The following RPS6KC1 variants were observed in gnomAD, a reference collection of about 807,000 sequenced individuals.
RPS6KC1 encodes the protein inactive ribosomal protein S6 kinase delta-1.
In RPS6KC1, 54 loss-of-function variants were observed where a neutral mutation model predicts 103.8. The observed-to-expected ratio is 0.52, with a 90% confidence interval of 0.42 to 0.65. The LOEUF is 0.65. RPS6KC1 is among the 30% of genes least tolerant of loss of function. RPS6KC1 has a pLI of 0.00. For synonymous variants in RPS6KC1, 439 were observed against 438.7 expected (o/e 1.00, Z -0.01); for missense variants, 1,151 against 1,253.8 (o/e 0.92, Z 1.24).
the RPS6KC1 span, among the ~76,000 whole-genome samples, chr1:213,457,709 A>G: frequency 6.6e-6 from 1 of 152,234 alleles, no homozygotes; most frequent in African/African-American, 2.4e-5. Context: ...CTTAATTGGC[A>G]ACAGAATGGT....
Position 213,178,050 on chromosome 1 carries a change from A to G in RPS6KC1, c.1044+1558A>G, listed in dbSNP as rs115934676. 3.1e-3 allele frequency among the ~76,000 whole-genome samples: 476 copies of G among 151,626 alleles called. 4 individuals are homozygous for G. Among genetic ancestry groups the G allele is most frequent in the African/African-American group, 0.011 (453 of 41,336 alleles). On this transcript the variant is annotated intron_variant, in intron 8 of 14. Coordinates refer to ENST00000366960, the MANE Select transcript of RPS6KC1 (RefSeq NM_012424.6). Reference sequence around the variant, plus strand: ...AGACCCTGCGTCTACAAAAAAAGAAAAAGCTGGGCATGTAGTCCCAGCTGC... The same window carrying G: ...AGACCCTGCGTCTACAAAAAAAGAAGAAGCTGGGCATGTAGTCCCAGCTGC...
the RPS6KC1 span, among the ~76,000 whole-genome samples, chr1:213,854,047 A>G: frequency 6.6e-6 from 1 of 152,254 alleles, no homozygotes; most frequent in African/African-American, 2.4e-5. Flanking sequence ...ACAAAGTGAA[A>G]TTGAAAAAGA....
chr1:213,819,288 C>G, the RPS6KC1 span: 1 of 152,222 alleles, frequency 6.6e-6, no homozygotes, highest in South Asian at 2.1e-4. Flanking sequence ...CTTCCCAAAG[C>G]CCAATTCTTT....
chr1:213,398,392 G>A, the RPS6KC1 span, among the ~76,000 whole-genome samples: 1 of 151,818 alleles, frequency 6.6e-6, no homozygotes, highest in South Asian at 2.1e-4. Context: ...CAGGTCAGTG[G>A]GTGACTGAAC....
the RPS6KC1 span, among the ~76,000 whole-genome samples, chr1:213,544,668 G>A: frequency 2.0e-5 from 3 of 152,114 alleles, no homozygotes; most frequent in Non-Finnish European, 2.9e-5. Context: ...TTGAGTTTAG[G>A]CTTTGCTTGC....
At chr1:213,304,022 G>A in the RPS6KC1 span, among the ~76,000 whole-genome samples, 2 of 151,004 alleles carry the variant, frequency 1.3e-5, no homozygotes, top group Non-Finnish European at 3.0e-5. Context: ...CGGCTAAAAC[G>A]GTGAAACCCC....
the RPS6KC1 span, among the ~76,000 whole-genome samples, chr1:213,464,415 C>A: frequency 7.2e-5 from 11 of 152,220 alleles, no homozygotes; most frequent in African/African-American, 2.6e-4. Flanking sequence ...ACATAGAATT[C>A]TCTTACAATT....
chr1:213,083,759 C>A (rs891647750), intron 3 of RPS6KC1, among the ~76,000 whole-genome samples: 1 of 152,098 alleles, frequency 6.6e-6, no homozygotes, highest in Non-Finnish European at 1.5e-5. Flanking sequence ...GTCCCTGTCT[C>A]CTGGTGTTTA....
At chr1:213,194,239 T>C (rs1243932955) in intron 8 of RPS6KC1, among the ~76,000 whole-genome samples, 1 of 152,184 alleles carries the variant, frequency 6.6e-6, no homozygotes. Context: ...CAAAGCAGCA[T>C]TGGGTTTTTT....
At chr1:213,608,622 C>T in the RPS6KC1 span, among the ~76,000 whole-genome samples, 1 of 151,698 alleles carries the variant, frequency 6.6e-6, no homozygotes. Flanking sequence ...AAAGTAATTC[C>T]TGATCACTGT....
rs181125791 is a variant in RPS6KC1, at chr1:213,168,962, T to C, written c.951+989T>C. On this transcript the variant is annotated intron_variant, in intron 7 of 14. Coordinates refer to ENST00000366960, the MANE Select transcript of RPS6KC1 (RefSeq NM_012424.6). ...CTCTGCCACTTGAAGTCATAGAAGA[T>C]TGGACAAGATACTTAATCCCACTTC... Among the ~76,000 whole-genome samples, 6 of 152,260 alleles carry C rather than the reference T, an allele frequency of 3.9e-5. No individual in the cohort carries two copies. In the East Asian group the frequency reaches 9.6e-4, roughly 24 times the overall value.
At chr1:213,813,402 C>T in the RPS6KC1 span, among the ~76,000 whole-genome samples, 2 of 151,142 alleles carry the variant, frequency 1.3e-5, no homozygotes, top group African/African-American at 4.9e-5. Flanking sequence ...GTTGAACAAC[C>T]CCGGGCTTCA....
the RPS6KC1 span, among the ~76,000 whole-genome samples, chr1:213,787,848 C>A: frequency 6.6e-6 from 1 of 152,116 alleles, no homozygotes; most frequent in Non-Finnish European, 1.5e-5. Context: ...CTATGGAACA[C>A]TGAGCAGGAA....
chr1:213,631,378 C>CAAAAAA, the RPS6KC1 span, among the ~76,000 whole-genome samples: 18 of 137,070 alleles, frequency 1.3e-4, no homozygotes, highest in South Asian at 4.7e-4. Flanking sequence ...CTTTCTATGC[C>CAAAAAA]AAAAAAAAAA....
chr1:213,135,738 G>GT (rs1232835735), intron 6 of RPS6KC1, among the ~76,000 whole-genome samples: 2 of 152,108 alleles, frequency 1.3e-5, no homozygotes, highest in Non-Finnish European at 2.9e-5. Context: ...TCAGCATTCT[G>GT]TTTTTTCCTT....
the RPS6KC1 span, among the ~76,000 whole-genome samples, chr1:213,545,046 G>C: frequency 1.3e-5 from 2 of 152,080 alleles, no homozygotes; most frequent in South Asian, 4.1e-4. Context: ...GTGTCTATAG[G>C]GTTGGCTCTT....
chr1:213,210,578 G>A (rs934029688), intron 8 of RPS6KC1, among the ~76,000 whole-genome samples: 5 of 152,150 alleles, frequency 3.3e-5, no homozygotes, highest in Admixed American at 3.3e-4. Flanking sequence ...AATGAGTATT[G>A]TGCCTTTGTG....
chr1:213,848,395 T>C, the RPS6KC1 span, among the ~76,000 whole-genome samples: 4 of 152,156 alleles, frequency 2.6e-5, no homozygotes, highest in Admixed American at 6.5e-5. Context: ...AAGCATACAG[T>C]ATGTGCTTCT....
chr1:213,293,577 A>G, the RPS6KC1 span, among the ~76,000 whole-genome samples: 1 of 152,248 alleles, frequency 6.6e-6, no homozygotes, highest in African/African-American at 2.4e-5. Flanking sequence ...TTTTTAAAGT[A>G]AAGTTTCCTG....
Sources: gnomAD v4.1 joint callset for allele counts (sites outside exome capture counted in the v4.1 genomes callset) on GRCh38, gnomAD v4.1.1 for gene constraint, MANE v1.5 for transcripts, NCBI Gene and HGNC (gene_info 2026-07-23, HGNC 2026-07-21) for gene names.